Variants in RPTOR observed in about 807,000 individuals in gnomAD.
The protein encoded by RPTOR is regulatory associated protein of MTOR complex 1.
A neutral mutation model predicts 169.9 loss-of-function variants in RPTOR; 21 were observed. The ratio of observed to expected loss-of-function variants is 0.12; its 90% CI spans 0.09 to 0.18. The LOEUF (loss-of-function observed/expected upper bound fraction) is 0.18. Among genes scored for constraint, RPTOR ranks in the 10% least tolerant of loss-of-function variants. The probability of loss-of-function intolerance (pLI) is 1.00; values close to 1 mark genes in which losing one functional copy is unlikely to be tolerated. For synonymous variants in RPTOR, 732 were observed against 753.2 expected, an observed-to-expected ratio of 0.97 and a Z score of 0.46; for missense variants, 1,133 against 1,855.9, an observed-to-expected ratio of 0.61 and a Z score of 7.16.
chr17:80,844,479 C>T lies in RPTOR; in HGVS notation c.1213-1994C>T, dbSNP rs999396566. ...CTCTAACTCAGGAGAATTACGTTCT[C>T]GCGGGATGTGGAGGAGGGGGTACTT... On this transcript the variant is annotated intron_variant, in intron 10 of 33. Coordinates refer to ENST00000306801, the MANE Select transcript of RPTOR (RefSeq NM_020761.3). This position sits in a 1 kb window ranked among gnomAD's most constrained non-coding sequence, Gnocchi z 4.7. 1.3e-5 allele frequency among the ~76,000 whole-genome samples: 2 copies of T among 152,264 alleles called. No homozygotes were observed. The highest frequency in any genetic ancestry group is 4.8e-5 in the African/African-American group (2 of 41,540).
At chr17:80,779,524 G>A (rs928011891) in intron 6 of RPTOR, among the ~76,000 whole-genome samples, 10 of 152,172 alleles carry the variant, frequency 6.6e-5, no homozygotes, top group African/African-American at 9.7e-5. Context: ...ATTCCGTCGC[G>A]GTCGGAGTTT....
chr17:80,908,405 T>G (rs1224791669), intron 20 of RPTOR, among the ~76,000 whole-genome samples: 1 of 152,108 alleles, frequency 6.6e-6, no homozygotes, highest in Non-Finnish European at 1.5e-5. Context: ...CAGCACGTGC[T>G]GAACTTGGTG....
chr17:80,863,301 G>A (rs764649096), intron 13 of RPTOR, among the ~76,000 whole-genome samples: 3 of 152,066 alleles, frequency 2.0e-5, no homozygotes, highest in Non-Finnish European at 2.9e-5. Flanking sequence ...GCCTCCCCCA[G>A]CATCACTCCC....
At chr17:80,930,641 T>A (rs2068886353) in intron 24 of RPTOR, among the ~76,000 whole-genome samples, 1 of 152,234 alleles carries the variant, frequency 6.6e-6, no homozygotes, top group Non-Finnish European at 1.5e-5. Context: ...GGAAAGCAAA[T>A]GGATAGGTCG....
At chr17:80,676,852 G>A (rs533728846) in intron 3 of RPTOR, among the ~76,000 whole-genome samples, 116 of 152,276 alleles carry the variant, frequency 7.6e-4, no homozygotes, top group Non-Finnish European at 1.3e-3. Context: ...AGGGCACAGC[G>A]GGACCAGGCA....
In RPTOR at chr17:80,703,452, T is replaced by C. The variant is rs1457140083; in HGVS notation, c.349-4389T>C. Among the ~76,000 whole-genome samples, 4 of 152,302 alleles carry C rather than the reference T, an allele frequency of 2.6e-5. No homozygotes were observed. In the East Asian group the frequency reaches 5.8e-4, roughly 22 times the overall value. On this transcript the variant is annotated intron_variant, in intron 3 of 33. Coordinates refer to ENST00000306801, the MANE Select transcript of RPTOR (RefSeq NM_020761.3). ...AGAAGGGGTGGGAAGTTAGCTTCAG[T>C]GGACGTTCCTGATAAACGTGAGCTC... is the stretch of plus-strand genomic sequence containing the variant.
chr17:80,758,973 A>T (rs1371431675), intron 6 of RPTOR, among the ~76,000 whole-genome samples: 1 of 150,680 alleles, frequency 6.6e-6, no homozygotes, highest in African/African-American at 2.4e-5. Context: ...AGTGCACTTC[A>T]TCTAGTTGAC....
chr17:80,810,147 CA>C (rs1345026797), intron 7 of RPTOR, among the ~76,000 whole-genome samples: 1 of 151,972 alleles, frequency 6.6e-6, no homozygotes, highest in Non-Finnish European at 1.5e-5. Flanking sequence ...CCGATTTCAT[CA>C]TTTATTTATT....
rs1447780407 is a variant in RPTOR, at chr17:80,637,149, GA to G, written c.266-6574del. Among the ~76,000 whole-genome samples, 4 of 152,310 alleles carry G rather than the reference GA, an allele frequency of 2.6e-5. No homozygotes were observed. In the East Asian group the frequency reaches 7.7e-4, roughly 29 times the overall value. On this transcript the variant is annotated intron_variant, in intron 2 of 33. Transcript: ENST00000306801. Reference sequence around the variant, plus strand: ...GATGTCAGAGGGGTCTGAGAAGCTTGAAAAATAAGGGTAACTGTGTGTGCCT... The same window carrying G: ...GATGTCAGAGGGGTCTGAGAAGCTTGAAAATAAGGGTAACTGTGTGTGCCT...
intron 1 of RPTOR, among the ~76,000 whole-genome samples, chr17:80,547,322 C>A (rs775746394): frequency 1.3e-5 from 2 of 152,052 alleles, no homozygotes; most frequent in Non-Finnish European, 2.9e-5. Context: ...TTAAAAAATT[C>A]TTTGTGGAGG....
intron 3 of RPTOR, among the ~76,000 whole-genome samples, chr17:80,692,544 C>T (rs906896708): frequency 6.6e-6 from 1 of 152,166 alleles, no homozygotes; most frequent in East Asian, 1.9e-4. Flanking sequence ...TGGTCTTGAA[C>T]TCCTGACCTC....
chr17:80,918,158 G>A (rs938409435), intron 21 of RPTOR, among the ~76,000 whole-genome samples: 31 of 152,224 alleles, frequency 2.0e-4, no homozygotes, highest in African/African-American at 6.3e-4. Context: ...CCTGGGGAAC[G>A]AGGGCAGCAT....
chr17:80,664,804 T>C (rs1017190971), intron 3 of RPTOR, among the ~76,000 whole-genome samples: 33 of 152,346 alleles, frequency 2.2e-4, no homozygotes, highest in African/African-American at 7.7e-4. Flanking sequence ...GATAAATTTA[T>C]AGTGTTTATT....
At chr17:80,574,079 GT>G (rs1432647298) in intron 1 of RPTOR, among the ~76,000 whole-genome samples, 1 of 151,830 alleles carries the variant, frequency 6.6e-6, no homozygotes, top group East Asian at 1.9e-4. Context: ...ATAAGGTCAT[GT>G]AATCCGAAAG....
At chr17:80,901,939 A>G (rs1314428584) in intron 20 of RPTOR, among the ~76,000 whole-genome samples, 8 of 152,158 alleles carry the variant, frequency 5.3e-5, no homozygotes, top group Non-Finnish European at 1.0e-4. Context: ...TTGATCGCTG[A>G]TGGAGCCCAG....
At chr17:80,698,546 C>T (rs1036987832) in intron 3 of RPTOR, among the ~76,000 whole-genome samples, 1 of 152,172 alleles carries the variant, frequency 6.6e-6, no homozygotes. Flanking sequence ...GCTGGAGTTA[C>T]GTGGGGGCAC....
At chr17:80,585,483 C>T (rs902031634) in intron 1 of RPTOR, among the ~76,000 whole-genome samples, 2 of 151,980 alleles carry the variant, frequency 1.3e-5, no homozygotes, top group Non-Finnish European at 2.9e-5. Flanking sequence ...GGATTACAGG[C>T]GTGAGCCACC....
At chr17:80,698,358 G>A (rs1035540078) in intron 3 of RPTOR, among the ~76,000 whole-genome samples, 11 of 144,136 alleles carry the variant, frequency 7.6e-5, no homozygotes, top group African/African-American at 2.6e-4. Flanking sequence ...CAGCAACCAC[G>A]TGGAGGATAG....
Position 80,659,497 on chromosome 17 carries a change from AATTTTT to A in RPTOR, c.348+15698_348+15703del, listed in dbSNP as rs2065704922. Among the ~76,000 whole-genome samples, 4 of 151,916 alleles carry A rather than the reference AATTTTT, an allele frequency of 2.6e-5. No individual in the cohort carries two copies. Among genetic ancestry groups the A allele is most frequent in the South Asian group, 2.1e-4 (1 of 4,792 alleles). On this transcript the variant is annotated intron_variant, in intron 3 of 33. Transcript: ENST00000306801. The surrounding 1 kb of genome is among the most constrained non-coding windows in gnomAD (Gnocchi z 4.3). ...CAGGTATGCGACACCATACCTGGCT[AATTTTT>A]ATTTTTATTTATTTATTTTTTTTCA... is the stretch of plus-strand genomic sequence containing the variant.
Sources: allele counts gnomAD v4.1 joint callset (sites outside exome capture counted in the v4.1 genomes callset), GRCh38; gene constraint gnomAD v4.1.1; non-coding constraint Gnocchi (gnomAD v3.1); transcripts MANE v1.5; gene names NCBI Gene and HGNC (gene_info 2026-07-23, HGNC 2026-07-21).